Variants in HEATR1 observed in about 807,000 individuals in gnomAD.
The protein encoded by HEATR1 is HEAT repeat containing 1.
A neutral mutation model predicts 248.2 loss-of-function variants in HEATR1; 77 were observed. That is an observed-to-expected ratio of 0.31 (90% confidence interval 0.26 to 0.37). The LOEUF (loss-of-function observed/expected upper bound fraction) is 0.37. Ranked by LOEUF, HEATR1 falls within the 10% of genes least tolerant of loss-of-function variation. The pLI is 1.00. For synonymous variants in HEATR1, 897 were observed against 923.1 expected (o/e 0.97, Z 0.51); for missense variants, 2,420 against 2,504.9 (o/e 0.97, Z 0.72).
chr1:236,579,658 A>G (rs1663655725), intron 20 of HEATR1, among the ~76,000 whole-genome samples: 1 of 152,206 alleles, frequency 6.6e-6, no homozygotes, highest in Non-Finnish European at 1.5e-5. Flanking sequence ...TTATCCAAAT[A>G]TAACTAGAAA....
At chr1:236,565,246 TC>T (rs1329051075) in intron 31 of HEATR1, among the ~76,000 whole-genome samples, 2 of 152,216 alleles carry the variant, frequency 1.3e-5, no homozygotes, top group African/African-American at 4.8e-5. Flanking sequence ...TAGAGTACCT[TC>T]CTTCTAACGT....
chr1:236,586,536 C>A, intron 14 of HEATR1, 84 bp from the exon 15 acceptor site: 1 of 832,672 alleles, frequency 1.2e-6, no homozygotes, highest in Non-Finnish European at 2.0e-6. Context: ...ATTACTCCAG[C>A]TTAACTGACA....
chr1:236,570,251 T>C (rs994433658), intron 28 of HEATR1, among the ~76,000 whole-genome samples: 45 of 152,182 alleles, frequency 3.0e-4, no homozygotes, highest in African/African-American at 1.1e-3. Context: ...ATCGCGCCAC[T>C]GCACTCCAGC....
At chr1:236,566,120 T>C (rs924965087) in intron 30 of HEATR1, 75 bp from the exon 31 acceptor site, 2 of 1,419,586 alleles carry the variant, frequency 1.4e-6, no homozygotes, top group Non-Finnish European at 1.9e-6. Context: ...TAATGTGCGT[T>C]AGGATTTCTA....
chr1:236,582,703 G>T (rs972878799), intron 19 of HEATR1, 33 bp downstream of exon 19: 1 of 1,611,392 alleles, frequency 6.2e-7, no homozygotes, highest in Admixed American at 1.7e-5. Context: ...TTCTTTAAGG[G>T]TAGAGTACGC....
At chr1:236,585,541 G>A (rs1201851607) in intron 16 of HEATR1, among the ~76,000 whole-genome samples, 1 of 151,878 alleles carries the variant, frequency 6.6e-6, no homozygotes, top group African/African-American at 2.4e-5. Flanking sequence ...ACAACAAAAA[G>A]ACTAATATTT....
intron 8 of HEATR1, among the ~76,000 whole-genome samples, chr1:236,594,986 G>C (rs1664134255): frequency 6.6e-6 from 1 of 152,058 alleles, no homozygotes; most frequent in Non-Finnish European, 1.5e-5. Flanking sequence ...TTTTTGTAGA[G>C]ACGGGGTTTT....
intron 11 of HEATR1, among the ~76,000 whole-genome samples, chr1:236,591,363 A>G (rs905067667): frequency 1.3e-5 from 2 of 152,192 alleles, no homozygotes; most frequent in African/African-American, 2.4e-5. Flanking sequence ...TCACTTACGC[A>G]ATTAGACTAA....
At chr1:236,552,314 G>C in intron 43 of HEATR1, 1 of 373,710 alleles carries the variant, frequency 2.7e-6, no homozygotes, top group Non-Finnish European at 4.8e-6. Context: ...CTTATAAATA[G>C]TGTTTTCCAA....
intron 37 of HEATR1, 71 bp from the exon 38 acceptor site, chr1:236,556,329 G>C: frequency 6.8e-7 from 1 of 1,474,248 alleles, no homozygotes; most frequent in Non-Finnish European, 9.4e-7. Flanking sequence ...TTACAGAGAG[G>C]CTTCATGATG....
In HEATR1 at chr1:236,574,304, T is replaced by G; in HGVS notation, c.3357A>C (p.Ser1119=). ...AAAGCTTCTGCTGAACTTTTTCATC[T>G]GATATGGCTGCAAAAAATGGTTTTG... ...KITKPFFAAI[S]DEKVQQKLLR... is the part of the protein sequence containing the mutation. Residue 1119 remains serine, a synonymous_variant, in exon 24 of 45, where the codon TCA becomes TCC. Transcript: ENST00000366582. 3 of 1,610,692 alleles carry G rather than the reference T, an allele frequency of 1.9e-6. No homozygotes were observed. The highest frequency in any genetic ancestry group is 2.5e-6 in the Non-Finnish European group (3 of 1,178,942).
At chr1:236,560,957 T>C (rs1663115441) in intron 33 of HEATR1, among the ~76,000 whole-genome samples, 1 of 152,226 alleles carries the variant, frequency 6.6e-6, no homozygotes, top group Non-Finnish European at 1.5e-5. Flanking sequence ...ATTGGATCAA[T>C]GTTAAATTTT....
rs1436491259 is a variant in HEATR1, at chr1:236,583,136, A to G, written c.2302T>C (p.Trp768Arg). 2 of 1,614,108 alleles carry G rather than the reference A, an allele frequency of 1.2e-6. No individual in the cohort carries two copies. Among genetic ancestry groups the G allele is most frequent in the Admixed American group, 1.7e-5 (1 of 60,004 alleles). Residue 768 changes from tryptophan (W) to arginine (R), a missense_variant, in exon 18 of 45, where the codon TGG (tryptophan) becomes CGG (arginine). By Grantham distance (101) the Trp-to-Arg change is moderately radical. Coordinates refer to ENST00000366582, the MANE Select transcript of HEATR1 (RefSeq NM_018072.6). ...MLDRGIPVEL[W>R]AHYVEELNST... Reference sequence around the variant, plus strand: ...TTGAGCTCTTCTACATAATGTGCCCACAGCTCCACTGGGATCCCTCTGTCT... The same window carrying G: ...TTGAGCTCTTCTACATAATGTGCCCGCAGCTCCACTGGGATCCCTCTGTCT...
At chr1:236,573,700 T>G (rs535740139) in intron 24 of HEATR1, among the ~76,000 whole-genome samples, 1 of 152,120 alleles carries the variant, frequency 6.6e-6, no homozygotes, top group Non-Finnish European at 1.5e-5. Flanking sequence ...TTCTGAGAAC[T>G]GCTGAATCTA....
chr1:236,575,696 T>C (rs926918702), intron 22 of HEATR1, among the ~76,000 whole-genome samples: 9 of 152,200 alleles, frequency 5.9e-5, no homozygotes, highest in Non-Finnish European at 1.2e-4. Flanking sequence ...TCTGTAACAC[T>C]GGGATGAAAG....
chr1:236,574,427 G>T, intron 23 of HEATR1, 94 bp from the exon 24 acceptor site: 1 of 1,413,162 alleles, frequency 7.1e-7, no homozygotes, highest in Non-Finnish European at 9.7e-7. Context: ...ATACAAAATT[G>T]TTTCCCACTT....
intron 1 of HEATR1, 92 bp from the exon 2 acceptor site, chr1:236,604,219 G>T: frequency 1.0e-6 from 1 of 1,001,142 alleles, no homozygotes; most frequent in Non-Finnish European, 1.4e-6. Context: ...CACCGTCATG[G>T]ACACACAACG....
At position 236,571,760 on chromosome 1, in the gene HEATR1, G is replaced by A. The variant is rs553791571; in HGVS notation, c.3708-74C>T. On this transcript the variant is annotated intron_variant, in intron 26 of 44. Coordinates refer to ENST00000366582, the MANE Select transcript of HEATR1 (RefSeq NM_018072.6). ...ATTCATTGTTACATTAATGGCCATT[G>A]TCCAGAACTCATTCAATAAGGAACT... 43 of 1,001,648 alleles carry A rather than the reference G, an allele frequency of 4.3e-5. No individual in the cohort carries two copies. In the African/African-American group the frequency reaches 5.2e-4, roughly 12 times the overall value. The allele number at this position is 1,001,648 out of a possible 1,614,324, so 62.0% of individuals were successfully genotyped here.
At position 236,595,582 on chromosome 1, in the gene HEATR1, T is replaced by A. The variant is rs144891600; in HGVS notation, c.1048A>T (p.Met350Leu). The part of the protein sequence containing the change: ...TYDVSPLLHY[M>L]LPHLVVSIIH... ...ATGGAGACGACCAGATGGGGAAGCA[T>A]GTAATGCAGAAGAGGACTGACATCG... Residue 350 changes from methionine to leucine, a missense_variant, in exon 8 of 45, where the codon ATG becomes TTG. Transcript: ENST00000366582. The A allele has an allele frequency of 4.7e-5, 75 of 1,611,650 alleles. No homozygotes were observed. Among genetic ancestry groups the A allele is most frequent in the Non-Finnish European group, 5.9e-5 (69 of 1,178,000 alleles).
Sources: allele counts gnomAD v4.1 joint callset (sites outside exome capture counted in the v4.1 genomes callset), GRCh38; gene constraint gnomAD v4.1.1; transcripts MANE v1.5; gene names NCBI Gene and HGNC (gene_info 2026-07-23, HGNC 2026-07-21).